Variants in GPHN observed in about 807,000 individuals in gnomAD.
GPHN encodes the protein gephyrin.
In GPHN, 17 loss-of-function variants were observed where a neutral mutation model predicts 95.5. The ratio of observed to expected loss-of-function variants is 0.18; its 90% CI spans 0.12 to 0.27. The LOEUF (loss-of-function observed/expected upper bound fraction) is 0.27. Among genes scored for constraint, GPHN ranks in the 10% least tolerant of loss-of-function variants. The probability of loss-of-function intolerance (pLI) is 1.00; values close to 1 mark genes in which losing one functional copy is unlikely to be tolerated. For synonymous variants in GPHN, 320 were observed against 322.5 expected (o/e 0.99, Z 0.08); for missense variants, 660 against 978.1 (o/e 0.67, Z 4.34).
chr14:67,576,047 GT>G, the GPHN span: 3 of 1,468,184 alleles, frequency 2.0e-6, no homozygotes, highest in Non-Finnish European at 2.8e-6. The surrounding 1 kb of genome is among the most constrained non-coding windows in gnomAD (Gnocchi z 4.0). Context: ...GCTTGGACCT[GT>G]GATTCTGATC....
At chr14:67,008,396 C>T (rs1291722485) in intron 9 of GPHN, among the ~76,000 whole-genome samples, 1 of 150,020 alleles carries the variant, frequency 6.7e-6, no homozygotes, top group African/African-American at 2.5e-5. Flanking sequence ...GTGGAGGTTG[C>T]AGTGAGCCGA....
the GPHN span, among the ~76,000 whole-genome samples, chr14:67,345,547 C>T: frequency 1.3e-5 from 2 of 152,142 alleles, no homozygotes; most frequent in African/African-American, 2.4e-5. Context: ...AAGAGTAAAA[C>T]TCCATCTCAA....
the GPHN span, among the ~76,000 whole-genome samples, chr14:67,524,711 G>A: frequency 2.6e-5 from 4 of 152,144 alleles, no homozygotes; most frequent in Non-Finnish European, 5.9e-5. Flanking sequence ...TTGGACAACC[G>A]CCAAACCACA....
chr14:67,701,944 C>T, the GPHN span: 1 of 152,098 alleles, frequency 6.6e-6, no homozygotes, highest in African/African-American at 2.4e-5. Flanking sequence ...AGGTAAGTGC[C>T]ACCATGCCAG....
At chr14:67,047,365 TG>T (rs369858551) in intron 10 of GPHN, among the ~76,000 whole-genome samples, 11 of 100,028 alleles carry the variant, frequency 1.1e-4, no homozygotes, top group African/African-American at 2.5e-4. Context: ...TGTGTGTGTT[TG>T]TTTTTTTTTT....
the GPHN span, among the ~76,000 whole-genome samples, chr14:67,202,747 G>A: frequency 6.6e-6 from 1 of 152,276 alleles, no homozygotes; most frequent in Non-Finnish European, 1.5e-5. Flanking sequence ...AGACCTAACT[G>A]TTACCAGAAC....
At chr14:66,954,402 CTTG>C (rs978260373) in intron 8 of GPHN, among the ~76,000 whole-genome samples, 47 of 152,154 alleles carry the variant, frequency 3.1e-4, no homozygotes, top group African/African-American at 1.1e-3. Context: ...TGTAAATGGA[CTTG>C]TTTTCTTAAT....
chr14:67,625,799 A>G, the GPHN span, among the ~76,000 whole-genome samples: 1 of 151,886 alleles, frequency 6.6e-6, no homozygotes, highest in Non-Finnish European at 1.5e-5. Context: ...TTTGCAAATC[A>G]TATACCTGAT....
At chr14:66,714,199 T>A (rs1234532978) in intron 2 of GPHN, among the ~76,000 whole-genome samples, 2 of 152,328 alleles carry the variant, frequency 1.3e-5, no homozygotes, top group East Asian at 3.9e-4. Context: ...CTTGTAGAGG[T>A]CTTTCACCTC....
chr14:67,367,959 T>C, the GPHN span, among the ~76,000 whole-genome samples: 6 of 152,340 alleles, frequency 3.9e-5, no homozygotes, highest in East Asian at 1.2e-3. Context: ...TTTAAAAATA[T>C]ATTTAACTAT....
chr14:67,710,300 A>G, the GPHN span, among the ~76,000 whole-genome samples: 2 of 152,224 alleles, frequency 1.3e-5, no homozygotes, highest in Non-Finnish European at 2.9e-5. Context: ...CACAAGAGAG[A>G]TACACAGATG....
At chr14:67,409,809 C>A in the GPHN span, among the ~76,000 whole-genome samples, 1 of 152,196 alleles carries the variant, frequency 6.6e-6, no homozygotes, top group Non-Finnish European at 1.5e-5. Context: ...ACTATGGAAT[C>A]CCCCTGCCAC....
rs2077919013 is a variant in GPHN at position 67,104,380 on chromosome 14, G to GAA, written c.1293+3469_1293+3470insAA. ...GAATAATGCTGACCTCATAGATTGA[G>GAA]TTTGGAAGAATTCCTTCCTCTTCAG... On this transcript the variant is annotated intron_variant, in intron 13 of 22. Transcript: ENST00000478722. Among the ~76,000 whole-genome samples, 15 of 152,286 alleles carry GAA rather than the reference G, an allele frequency of 9.8e-5. 1 individual carries two copies. The South Asian group carries it at 2.9e-3, about 29-fold the overall frequency.
intron 3 of GPHN, among the ~76,000 whole-genome samples, chr14:66,790,001 T>A (rs1488350330): frequency 6.6e-6 from 1 of 152,198 alleles, no homozygotes; most frequent in Non-Finnish European, 1.5e-5. Context: ...TTGAGAGGGA[T>A]CTGTCTACTT....
chr14:66,953,761 G>A (rs1328427820), intron 8 of GPHN, among the ~76,000 whole-genome samples: 5 of 151,930 alleles, frequency 3.3e-5, no homozygotes, highest in South Asian at 2.1e-4. Context: ...AGCCTGACAC[G>A]GTGGCTCACA....
At chr14:67,038,948 T>C (rs1422729970) in intron 10 of GPHN, among the ~76,000 whole-genome samples, 2 of 152,202 alleles carry the variant, frequency 1.3e-5, no homozygotes, top group Non-Finnish European at 2.9e-5. Flanking sequence ...GTTGTAATAG[T>C]TCAGGCCTTC....
the GPHN span, among the ~76,000 whole-genome samples, chr14:67,525,733 G>A: frequency 6.6e-6 from 1 of 152,168 alleles, no homozygotes; most frequent in Non-Finnish European, 1.5e-5. Flanking sequence ...TTTACAGAAA[G>A]TTACTTTGAG....
At chr14:67,302,001 T>C in the GPHN span, 97 of 1,607,276 alleles carry the variant, frequency 6.0e-5, no homozygotes, top group Non-Finnish European at 7.3e-5. Context: ...ATAAGGTTGC[T>C]GAGCAGGAAA....
Position 66,917,383 on chromosome 14 carries a change from G to A in GPHN, c.456+1314G>A, listed in dbSNP as rs139650945. Among the ~76,000 whole-genome samples, 5 of 152,252 alleles carry A rather than the reference G, an allele frequency of 3.3e-5. No individual in the cohort carries two copies. In the East Asian group the frequency reaches 7.7e-4, roughly 24 times the overall value. On this transcript the variant is annotated intron_variant, in intron 6 of 22. Transcript: ENST00000478722. ...GCAACATATGACTTCACTCTTTCAA[G>A]CATCTGTTACAGTTGAGCTAAGAAA...
Sources: gnomAD v4.1 joint callset for allele counts (sites outside exome capture counted in the v4.1 genomes callset) on GRCh38, gnomAD v4.1.1 for gene constraint, Gnocchi (gnomAD v3.1) non-coding constraint, MANE v1.5 for transcripts, NCBI Gene and HGNC (gene_info 2026-07-23, HGNC 2026-07-21) for gene names.